USH2A: variants seen among roughly 807,000 people sequenced by gnomAD.
USH2A encodes usherin.
Under a neutral mutation model 538.9 loss-of-function variants are expected in USH2A, and 443 were observed. The observed-to-expected ratio is 0.82, with a 90% confidence interval of 0.76 to 0.89. The LOEUF is 0.89. Ranked by LOEUF, USH2A falls within the 40% of genes least tolerant of loss-of-function variation. The probability of loss-of-function intolerance (pLI) is 0.00; values close to 1 mark genes in which losing one functional copy is unlikely to be tolerated. For synonymous variants in USH2A, 2,413 were observed against 2,273.5 expected, an observed-to-expected ratio of 1.06 and a Z score of -1.75; for missense variants, 6,633 against 6,324.8, an observed-to-expected ratio of 1.05 and a Z score of -1.65.
At chr1:216,261,271 A>G (rs1373005176) in intron 11 of USH2A, among the ~76,000 whole-genome samples, 1 of 151,994 alleles carries the variant, frequency 6.6e-6, no homozygotes, top group South Asian at 2.1e-4. Flanking sequence ...ATAGAAACAA[A>G]AAAAAGCCTA....
intron 21 of USH2A, among the ~76,000 whole-genome samples, chr1:216,124,984 A>G (rs1571980926): frequency 6.6e-6 from 1 of 152,308 alleles, no homozygotes; most frequent in East Asian, 1.9e-4. Flanking sequence ...AACAATTGTA[A>G]TAAAAATGAC....
chr1:215,646,256 G>C (rs2797230), intron 67 of USH2A, among the ~76,000 whole-genome samples: 150,883 of 152,204 alleles, frequency 0.99, 74,809 homozygotes, highest in East Asian at 1. Context: ...GCCTGATGCT[G>C]TACTGTTACT....
chr1:215,740,494 C>T (rs1168576104), intron 60 of USH2A, among the ~76,000 whole-genome samples: 1 of 152,066 alleles, frequency 6.6e-6, no homozygotes, highest in Non-Finnish European at 1.5e-5. Context: ...GAACAAGTTG[C>T]TATAACACCA....
At chr1:216,206,793 C>T (rs1456022267) in intron 16 of USH2A, among the ~76,000 whole-genome samples, 1 of 152,152 alleles carries the variant, frequency 6.6e-6, no homozygotes, top group Non-Finnish European at 1.5e-5. Flanking sequence ...GAATCATTTT[C>T]AATATTTTGA....
At chr1:215,972,259 G>T (rs1667512281) in intron 35 of USH2A, among the ~76,000 whole-genome samples, 1 of 152,204 alleles carries the variant, frequency 6.6e-6, no homozygotes, top group African/African-American at 2.4e-5. Flanking sequence ...GTTGACAGCT[G>T]CTGTGTCAGC....
At chr1:215,712,331 G>A (rs886577374) in intron 61 of USH2A, among the ~76,000 whole-genome samples, 1 of 152,248 alleles carries the variant, frequency 6.6e-6, no homozygotes, top group Non-Finnish European at 1.5e-5. Flanking sequence ...TCTCAGAAGA[G>A]TGATTTGTTC....
intron 11 of USH2A, among the ~76,000 whole-genome samples, chr1:216,272,007 G>A (rs889460829): frequency 1.3e-5 from 2 of 152,070 alleles, no homozygotes; most frequent in African/African-American, 4.8e-5. Context: ...ATTAAAGTTA[G>A]GTAGCCCTCA....
intron 58 of USH2A, among the ~76,000 whole-genome samples, chr1:215,749,589 T>C (rs990383552): frequency 6.6e-6 from 1 of 152,318 alleles, no homozygotes; most frequent in East Asian, 1.9e-4. Flanking sequence ...CTGAAATGAC[T>C]GAGCCCCCTG....
intron 21 of USH2A, among the ~76,000 whole-genome samples, chr1:216,157,701 G>T (rs1358426049): frequency 6.6e-6 from 1 of 152,086 alleles, no homozygotes; most frequent in Non-Finnish European, 1.5e-5. Flanking sequence ...AATTCTAAGT[G>T]AATTAATGCT....
At chr1:215,831,699 G>A (rs572429132) in intron 47 of USH2A, among the ~76,000 whole-genome samples, 6 of 152,158 alleles carry the variant, frequency 3.9e-5, no homozygotes, top group Admixed American at 6.5e-5. Flanking sequence ...GCTTCATACC[G>A]AAGCAGGACT....
chr1:215,949,890 G>T (rs1402309725), intron 37 of USH2A, among the ~76,000 whole-genome samples: 2 of 151,964 alleles, frequency 1.3e-5, no homozygotes, highest in East Asian at 3.8e-4. Context: ...AAAATATTCT[G>T]GGCAAAGTGT....
intron 42 of USH2A, 114 bp downstream of exon 42, chr1:215,878,650 T>G (rs2102451474): frequency 9.5e-7 from 1 of 1,057,902 alleles, no homozygotes; most frequent in South Asian, 1.4e-5. Context: ...TCAGGGGATA[T>G]TCAATGCCAA....
chr1:216,047,294 A>G (rs893108015), intron 31 of USH2A, among the ~76,000 whole-genome samples: 4 of 152,204 alleles, frequency 2.6e-5, no homozygotes, highest in Non-Finnish European at 5.9e-5. Context: ...GAAGGGTACC[A>G]GGTAAACCCT....
At chr1:216,265,188 A>G (rs767723776) in intron 11 of USH2A, among the ~76,000 whole-genome samples, 1 of 151,964 alleles carries the variant, frequency 6.6e-6, no homozygotes, top group Non-Finnish European at 1.5e-5. Flanking sequence ...AAACAGGTGC[A>G]AATGGTCTGG....
chr1:216,228,997 C>A (rs1361837918), intron 14 of USH2A, among the ~76,000 whole-genome samples: 3 of 152,100 alleles, frequency 2.0e-5, no homozygotes, highest in Middle Eastern at 3.4e-3. Flanking sequence ...CATGGTGAAA[C>A]CCTGTCTCCA....
chr1:216,249,544 T>C (rs142785391), intron 12 of USH2A, among the ~76,000 whole-genome samples: 1 of 152,286 alleles, frequency 6.6e-6, no homozygotes, highest in Non-Finnish European at 1.5e-5. Flanking sequence ...GCATCATGGA[T>C]AGCACATACA....
In USH2A at chr1:215,900,879, G is replaced by T; in HGVS notation, c.7327C>A (p.Leu2443Ile). Residue 2443 changes from leucine (L) to isoleucine (I), a missense_variant, in exon 39 of 72, where the codon CTT becomes ATT. Transcript: ENST00000307340. ...GAPDGVLPPRLSSATPTSLQV... is the reference protein window; with the variant it reads ...GAPDGVLPPRISSATPTSLQV... ...AGACTGGTTGGAGTGGCAGATGAAAGCCTGGGAGGCAGCACGCCATCTGGA... is the reference window on the plus strand; with the variant it reads ...AGACTGGTTGGAGTGGCAGATGAAATCCTGGGAGGCAGCACGCCATCTGGA... 4 of 1,613,640 alleles carry T rather than the reference G, an allele frequency of 2.5e-6. No homozygotes were observed. The highest frequency in any genetic ancestry group is 3.4e-6 in the Non-Finnish European group (4 of 1,179,716).
At chr1:216,295,841 A>G (rs1198907744) in intron 9 of USH2A, among the ~76,000 whole-genome samples, 1 of 152,046 alleles carries the variant, frequency 6.6e-6, no homozygotes, top group Admixed American at 6.5e-5. Context: ...TTGGGACAAC[A>G]AAGGTTATTC....
rs146632549 is a variant in USH2A at position 216,061,759 on chromosome 1, C to A, written c.6049+8342G>T. Among the ~76,000 whole-genome samples, 980 of 152,214 alleles carry A rather than the reference C, an allele frequency of 6.4e-3. 9 individuals are homozygous for A. Among genetic ancestry groups the A allele is most frequent in the African/African-American group, 0.022 (915 of 41,526 alleles). ...ACCAAAGTTTTATAAATACCTAAAACGAGACCAGGCAGAGACAATGGACTG... is the reference window on the plus strand; with the variant it reads ...ACCAAAGTTTTATAAATACCTAAAAAGAGACCAGGCAGAGACAATGGACTG... On this transcript the variant is annotated intron_variant, in intron 30 of 71. Coordinates refer to ENST00000307340, the MANE Select transcript of USH2A (RefSeq NM_206933.4).
Sources: allele counts gnomAD v4.1 joint callset (sites outside exome capture counted in the v4.1 genomes callset), GRCh38; gene constraint gnomAD v4.1.1; transcripts MANE v1.5; gene names NCBI Gene and HGNC (gene_info 2026-07-23, HGNC 2026-07-21).